AKAP6: variants seen among roughly 807,000 people sequenced by gnomAD.
AKAP6 encodes A-kinase anchoring protein 6.
A neutral mutation model predicts 188.5 loss-of-function variants in AKAP6; 58 were observed. The ratio of observed to expected loss-of-function variants is 0.31; its 90% CI spans 0.25 to 0.38. The LOEUF (loss-of-function observed/expected upper bound fraction) is 0.38. AKAP6 is among the 10% of genes least tolerant of loss of function. AKAP6 has a pLI of 1.00. For missense variants in AKAP6, 2,710 were observed against 2,740.0 expected (o/e 0.99, Z 0.24); for synonymous variants, 989 against 998.6 (o/e 0.99, Z 0.18).
At chr14:32,389,841 C>T (rs565186806) in intron 1 of AKAP6, among the ~76,000 whole-genome samples, 64 of 152,140 alleles carry the variant, frequency 4.2e-4, no homozygotes, top group Middle Eastern at 6.8e-3. Context: ...AATATTTTGG[C>T]GATGAATTTC....
intron 1 of AKAP6, among the ~76,000 whole-genome samples, chr14:32,357,838 G>A (rs535473893): frequency 2.4e-4 from 36 of 152,288 alleles, no homozygotes; most frequent in Non-Finnish European, 2.2e-4. Context: ...TAGTAGTGGC[G>A]CCCGTGTGTA....
intron 1 of AKAP6, among the ~76,000 whole-genome samples, chr14:32,432,718 C>T (rs1434535016): frequency 1.3e-5 from 2 of 152,146 alleles, no homozygotes; most frequent in East Asian, 3.9e-4. Flanking sequence ...AGCTGTCCCA[C>T]GTATTGAATA....
chr14:32,613,713 G>T (rs1475155216), intron 7 of AKAP6, among the ~76,000 whole-genome samples: 2 of 151,958 alleles, frequency 1.3e-5, no homozygotes, highest in Non-Finnish European at 2.9e-5. Flanking sequence ...TCTCTTACCT[G>T]GCCTGTCGTA....
rs114942492 is a variant in AKAP6 at position 32,380,777 on chromosome 14, C to T, written c.-35+51369C>T. 1.8e-3 allele frequency among the ~76,000 whole-genome samples: 274 copies of T among 152,288 alleles called. 1 individual carries two copies. Among genetic ancestry groups the T allele is most frequent in the African/African-American group, 6.2e-3 (256 of 41,570 alleles). On this transcript the variant is annotated intron_variant, in intron 1 of 13. Transcript: ENST00000280979. ...GTCACGTGAGAAAAGCAACTCGCTACCATTAAAACCACTTGTAGTCAGTTA... is the reference window on the plus strand; with the variant it reads ...GTCACGTGAGAAAAGCAACTCGCTATCATTAAAACCACTTGTAGTCAGTTA...
At chr14:32,555,212 T>G (rs1203741238) in intron 4 of AKAP6, among the ~76,000 whole-genome samples, 2 of 152,168 alleles carry the variant, frequency 1.3e-5, no homozygotes, top group African/African-American at 4.8e-5. Flanking sequence ...GCTCCCAGTT[T>G]TGTGGTAGCA....
At position 32,333,915 on chromosome 14, in the gene AKAP6, C is replaced by T. The variant is rs116657392; in HGVS notation, c.-35+4507C>T. Among the ~76,000 whole-genome samples, 1,005 of 152,244 alleles carry T rather than the reference C, an allele frequency of 6.6e-3. 10 individuals are homozygous for T. Among genetic ancestry groups the T allele is most frequent in the African/African-American group, 0.023 (949 of 41,562 alleles). On this transcript the variant is annotated intron_variant, in intron 1 of 13. Transcript: ENST00000280979. ...AGCCCTCTAAATTGAGCATTCCAGC[C>T]AGCCTGCTGATGGAGGTATGTATCA...
intron 7 of AKAP6, among the ~76,000 whole-genome samples, chr14:32,674,557 C>G (rs760532869): frequency 6.6e-6 from 1 of 152,122 alleles, no homozygotes; most frequent in Non-Finnish European, 1.5e-5. Context: ...AAGAATGACT[C>G]TCAGGTTTCT....
At chr14:32,742,246 T>C (rs1242154711) in intron 11 of AKAP6, among the ~76,000 whole-genome samples, 1 of 151,988 alleles carries the variant, frequency 6.6e-6, no homozygotes, top group Admixed American at 6.6e-5. Flanking sequence ...TGATTTTATT[T>C]ATTTGGATCT....
Position 32,365,814 on chromosome 14 carries a change from G to A in AKAP6, c.-35+36406G>A, listed in dbSNP as rs527782453. 2.2e-4 allele frequency among the ~76,000 whole-genome samples: 33 copies of A among 152,148 alleles called. 1 individual carries two copies. In the South Asian group the frequency reaches 6.5e-3, roughly 30 times the overall value. On this transcript the variant is annotated intron_variant, in intron 1 of 13. Transcript: ENST00000280979. ...CTTCACTGAGCAGCTTTTGATCATC[G>A]AGTGAGAACATCTCAGCTTCCTGGC... is the stretch of plus-strand genomic sequence containing the variant.
chr14:32,786,731 T>A (rs1263297840), intron 12 of AKAP6, among the ~76,000 whole-genome samples: 2 of 152,152 alleles, frequency 1.3e-5, no homozygotes, highest in African/African-American at 4.8e-5. Flanking sequence ...TTTTCTGAGT[T>A]CAGACAAGTA....
chr14:32,710,680 A>C (rs1891016686), intron 9 of AKAP6, among the ~76,000 whole-genome samples: 1 of 152,082 alleles, frequency 6.6e-6, no homozygotes, highest in South Asian at 2.1e-4. Context: ...CCTCCAGATC[A>C]TTGAAACATT....
chr14:32,638,859 A>G (rs1055855245), intron 7 of AKAP6, among the ~76,000 whole-genome samples: 3 of 151,990 alleles, frequency 2.0e-5, no homozygotes, highest in African/African-American at 7.2e-5. Flanking sequence ...ACAACATAAT[A>G]TAACTATAAT....
intron 2 of AKAP6, among the ~76,000 whole-genome samples, chr14:32,479,402 T>G (rs751391006): frequency 9.9e-5 from 15 of 152,202 alleles, no homozygotes; most frequent in Non-Finnish European, 2.2e-4. Context: ...AGATATCCAC[T>G]ATTACCATTT....
intron 11 of AKAP6, among the ~76,000 whole-genome samples, chr14:32,768,604 G>A (rs752960678): frequency 2.3e-4 from 35 of 152,142 alleles, no homozygotes; most frequent in Non-Finnish European, 4.7e-4. Context: ...ATCAACAATT[G>A]TGGTCCCTAG....
chr14:32,730,929 A>G (rs772507307), intron 9 of AKAP6, among the ~76,000 whole-genome samples: 7 of 152,124 alleles, frequency 4.6e-5, no homozygotes, highest in Non-Finnish European at 7.4e-5. Flanking sequence ...CTGGAGTAAC[A>G]TGGTCCTGGT....
chr14:32,537,634 G>C (rs1180578855), intron 3 of AKAP6, among the ~76,000 whole-genome samples: 1 of 152,078 alleles, frequency 6.6e-6, no homozygotes, highest in Non-Finnish European at 1.5e-5. Context: ...GATCAAATCT[G>C]CCTGCTTTCT....
chr14:32,824,861 C>T (rs1429769137), intron 13 of AKAP6, 46 bp downstream of exon 13: 1 of 1,466,000 alleles, frequency 6.8e-7, no homozygotes, highest in Non-Finnish European at 9.1e-7. Context: ...ATATTGAGTT[C>T]AGGTCAGCAA....
At chr14:32,370,345 C>A (rs1301957552) in intron 1 of AKAP6, among the ~76,000 whole-genome samples, 1 of 152,180 alleles carries the variant, frequency 6.6e-6, no homozygotes, top group Admixed American at 6.5e-5. Flanking sequence ...TTGTGCCTTA[C>A]AAAGACAGTG....
chr14:32,789,288 T>C (rs560504616), intron 12 of AKAP6, among the ~76,000 whole-genome samples: 73 of 152,310 alleles, frequency 4.8e-4, no homozygotes, highest in African/African-American at 1.8e-3. Context: ...GACTCAGCCA[T>C]TCCAGCCTGC....
Sources: allele counts gnomAD v4.1 joint callset (sites outside exome capture counted in the v4.1 genomes callset), GRCh38; gene constraint gnomAD v4.1.1; transcripts MANE v1.5; gene names NCBI Gene and HGNC (gene_info 2026-07-23, HGNC 2026-07-21).